ZNF449: variants seen among roughly 807,000 people sequenced by gnomAD.
The protein encoded by ZNF449 is zinc finger and SCAN domain-containing protein 19.
ZNF449 carries 4 observed loss-of-function variants against 32.6 expected under a neutral mutation model. That is an observed-to-expected ratio of 0.12 (90% CI 0.06 to 0.28). The LOEUF is 0.28. Ranked by LOEUF, ZNF449 falls within the 10% of genes least tolerant of loss-of-function variation. ZNF449 has a pLI of 1.00. For missense variants in ZNF449, 275 were observed against 383.2 expected (o/e 0.72, Z 2.36); for synonymous variants, 123 against 132.2 (o/e 0.93, Z 0.48).
At chrX:135,356,045 A>G (rs1183281991) in intron 3 of ZNF449, among the ~76,000 whole-genome samples, 1 of 112,189 alleles carries the variant, frequency 8.9e-6, no homozygotes, top group Admixed American at 9.4e-5. Context: ...ATTATACCAC[A>G]TTTTGTTTAT....
chrX:135,349,190 A>T lies in ZNF449; in HGVS notation c.435A>T (p.Ser145=), dbSNP rs2084869092. 8.3e-7 allele frequency: 1 copy of T among 1,209,289 alleles called. No homozygotes were observed. The highest frequency in any genetic ancestry group is 1.8e-5 in the African/African-American group (1 of 56,963). The change falls in exon 3 of 5, where the codon TCA becomes TCT. Residue 145 remains serine, a synonymous_variant. Transcript: ENST00000339249. ...TACCACCAACCATGCACCTAGAGTCACCTGCACTCCAGGTAATGGGACCTG... is the reference window on the plus strand; with the variant it reads ...TACCACCAACCATGCACCTAGAGTCTCCTGCACTCCAGGTAATGGGACCTG... ...AHIPPTMHLE[S]PALQVMGPAQ...
chrX:135,361,143 A>AG lies in ZNF449; in HGVS notation c.*69dup. Reference sequence around the variant, plus strand: ...CTCAAAAAAAATCTTAACCTGCAGCAGGCTGTTTGTCTTGGAAGCTTTTGT... The same window carrying AG: ...CTCAAAAAAAATCTTAACCTGCAGCAGGGCTGTTTGTCTTGGAAGCTTTTGT... On this transcript the variant is annotated 3_prime_UTR_variant, in exon 5 of 5. Transcript: ENST00000339249. 1 of 995,056 alleles carries AG rather than the reference A, an allele frequency of 1.0e-6. No individual in the cohort carries two copies. The highest frequency in any genetic ancestry group is 1.3e-6 in the Non-Finnish European group (1 of 744,600). The allele number at this position is 995,056 out of a possible 1,213,427, so 82.0% of individuals were successfully genotyped here.
rs2084867451 is a variant in ZNF449 at position 135,349,004 on chromosome X, T to C, written c.355-106T>C. The C allele has an allele frequency of 5.9e-6, 6 of 1,019,758 alleles. No homozygotes were observed. In the East Asian group the frequency reaches 1.8e-4, roughly 31 times the overall value. The allele number at this position is 1,019,758 out of a possible 1,213,427, so 84.0% of individuals were successfully genotyped here. A position where few individuals can be genotyped will look rare whatever the true frequency, so the allele number is the denominator to read the frequency against. Reference sequence around the variant, plus strand: ...TGGCCTTACTTTTTAAAAAATTTATTCATATGGCCACTAGAAAATTTAAAA... The same window carrying C: ...TGGCCTTACTTTTTAAAAAATTTATCCATATGGCCACTAGAAAATTTAAAA... On this transcript the variant is annotated intron_variant, in intron 2 of 4. Coordinates refer to ENST00000339249, the MANE Select transcript of ZNF449 (RefSeq NM_152695.6).
At chrX:135,356,205 A>G (rs2084916890) in intron 3 of ZNF449, among the ~76,000 whole-genome samples, 1 of 111,963 alleles carries the variant, frequency 8.9e-6, no homozygotes, top group Non-Finnish European at 1.9e-5. Flanking sequence ...GCTATGTCAT[A>G]TGGTAACTCT....
chrX:135,359,930 G>A lies in ZNF449; in HGVS notation c.598G>A (p.Glu200Lys), dbSNP rs140340822. The change falls in exon 4 of 5, where the codon GAG (glutamate) becomes AAG (lysine). Residue 200 changes from glutamate to lysine, a missense_variant. Around this residue, in one of 3 missense-constraint regions of ZNF449, gnomAD observed 165 missense variants for 175.0 expected, o/e 0.94. Coordinates refer to ENST00000339249, the MANE Select transcript of ZNF449 (RefSeq NM_152695.6). The part of the protein sequence containing the change: ...LPKLDMNFSL[E>K]NREEPWVKEL... ...AAAACTTGACATGAACTTCTCATTG[G>A]AGAATAGAGAAGAGCCATGGGTGAA... The A allele has an allele frequency of 3.3e-6, 4 of 1,197,079 alleles. No individual in the cohort carries two copies. Among genetic ancestry groups the A allele is most frequent in the African/African-American group, 3.5e-5 (2 of 56,551 alleles).
Position 135,360,286 on chromosome X carries a change from C to T in ZNF449, c.767C>T (p.Ala256Val). The T allele has an allele frequency of 8.3e-7, 1 of 1,210,379 alleles. No individual in the cohort carries two copies. The highest frequency in any genetic ancestry group is 1.1e-6 in the Non-Finnish European group (1 of 894,977). ...YPFIVTLEGN[A>V]LQGPILQKDY... ...TTTATTGTAACTTTAGAGGGGAATG[C>T]TCTCCAGGGTCCCATTTTGCAAAAA... is the stretch of plus-strand genomic sequence containing the variant. The change falls in exon 5 of 5, where the codon GCT (alanine) becomes GTT (valine). Residue 256 changes from alanine to valine, a missense_variant. Physicochemically the swap from Ala to Val is moderately conservative, Grantham distance 64. Transcript: ENST00000339249.
In ZNF449 at chrX:135,361,329, T is replaced by C. The variant is rs2084946355; in HGVS notation, c.*253T>C. 1 of 275,258 alleles carries C rather than the reference T, an allele frequency of 3.6e-6. No individual in the cohort carries two copies. The highest frequency in any genetic ancestry group is 2.8e-5 in the African/African-American group (1 of 35,590). The allele number at this position is 275,258 out of a possible 1,213,427, so 22.7% of individuals were successfully genotyped here. On this transcript the variant is annotated 3_prime_UTR_variant, in exon 5 of 5. Coordinates refer to ENST00000339249, the MANE Select transcript of ZNF449 (RefSeq NM_152695.6). ...CTTTTTTTAATTACAATGAAAAATT[T>C]TGTGTTCCAAGGCAACTGTATCATA...
At chrX:135,354,179 A>G (rs781869994) in intron 3 of ZNF449, among the ~76,000 whole-genome samples, 7 of 112,453 alleles carry the variant, frequency 6.2e-5, no homozygotes, top group African/African-American at 2.3e-4. Context: ...TTATTGTACC[A>G]ATTTATCCTC....
chrX:135,359,052 A>C (rs782461434), intron 3 of ZNF449, among the ~76,000 whole-genome samples: 1 of 112,020 alleles, frequency 8.9e-6, no homozygotes, highest in African/African-American at 3.2e-5. Flanking sequence ...ACATTAGTCA[A>C]ACTAAATTCC....
At chrX:135,346,775 G>A (rs782034222) in intron 1 of ZNF449, among the ~76,000 whole-genome samples, 1 of 100,880 alleles carries the variant, frequency 9.9e-6, no homozygotes, top group South Asian at 5.4e-4. Flanking sequence ...CAATTCTAGA[G>A]GCTTTGAGAT....
At chrX:135,354,603 C>G (rs1556451328) in intron 3 of ZNF449, among the ~76,000 whole-genome samples, 1 of 112,320 alleles carries the variant, frequency 8.9e-6, no homozygotes, top group African/African-American at 3.2e-5. Flanking sequence ...GCACCATGTT[C>G]TCACATCCAA....
chrX:135,360,089 A>C (rs2084937554), intron 4 of ZNF449, 84 bp downstream of exon 4: 1 of 1,092,034 alleles, frequency 9.2e-7, no homozygotes, highest in African/African-American at 1.9e-5. Flanking sequence ...CTATTTAGGA[A>C]TTTCTATGTT....
intron 3 of ZNF449, among the ~76,000 whole-genome samples, chrX:135,350,527 G>T (rs1168550054): frequency 8.9e-6 from 1 of 111,945 alleles, no homozygotes; most frequent in African/African-American, 3.3e-5. Flanking sequence ...TCAGTACCCA[G>T]GATTAGGAAC....
At chrX:135,352,445 A>C (rs1556450625) in intron 3 of ZNF449, among the ~76,000 whole-genome samples, 2 of 112,201 alleles carry the variant, frequency 1.8e-5, no homozygotes, top group African/African-American at 3.2e-5. Flanking sequence ...GAAAGAAAAG[A>C]GGCAAGGAGA....
At chrX:135,345,991 C>A (rs1286047990) in intron 1 of ZNF449, among the ~76,000 whole-genome samples, 1 of 111,895 alleles carries the variant, frequency 8.9e-6, no homozygotes, top group Admixed American at 9.4e-5. Context: ...TAGATTTTGA[C>A]GTAATCACCA....
intron 3 of ZNF449, among the ~76,000 whole-genome samples, chrX:135,355,189 A>T (rs995160198): frequency 1.0e-4 from 11 of 106,381 alleles, no homozygotes; most frequent in Admixed American, 2.0e-4. Flanking sequence ...ACTTTTAAAA[A>T]TTTTTTTTTT....
At chrX:135,346,808 T>C (rs2084851317) in intron 1 of ZNF449, among the ~76,000 whole-genome samples, 1 of 112,318 alleles carries the variant, frequency 8.9e-6, no homozygotes, top group South Asian at 3.7e-4. Context: ...TGAAACTAGA[T>C]GCAGAAAAGG....
At position 135,347,480 on chromosome X, in the gene ZNF449, A is replaced by G. The variant is rs370215109; in HGVS notation, c.354+8A>G. ...GAGATACCAGAGCAGCAGGTAAGAA[A>G]AGAATGTGGGATCTTTGTGATTGGT... On this transcript the variant is annotated splice_region_variant and intron_variant, in intron 2 of 4. Coordinates refer to ENST00000339249, the MANE Select transcript of ZNF449 (RefSeq NM_152695.6). 4.4e-5 allele frequency: 53 copies of G among 1,209,910 alleles called. No homozygotes were observed. Among genetic ancestry groups the G allele is most frequent in the Admixed American group, 8.7e-5 (4 of 45,868 alleles).
At chrX:135,349,033 C>T in intron 2 of ZNF449, 77 bp from the exon 3 acceptor site, 1 of 1,113,564 alleles carries the variant, frequency 9.0e-7, no homozygotes, top group South Asian at 1.9e-5. Context: ...TTTAAAATTA[C>T]ATGCATGATT....
Sources: gnomAD v4.1 joint callset for allele counts (sites outside exome capture counted in the v4.1 genomes callset) on GRCh38, gnomAD v4.1.1 for gene constraint, gnomAD v4.1.1 regional missense constraint, MANE v1.5 for transcripts, NCBI Gene and HGNC (gene_info 2026-07-23, HGNC 2026-07-21) for gene names.